Variants in SYNE1 observed in about 807,000 individuals in gnomAD.
The protein encoded by SYNE1 is nesprin-1.
In SYNE1, 616 loss-of-function variants were observed where a neutral mutation model predicts 1,111.0. The observed-to-expected ratio is 0.55, with a 90% confidence interval of 0.52 to 0.59. SYNE1 has a LOEUF of 0.59. Among genes scored for constraint, SYNE1 ranks in the 20% least tolerant of loss-of-function variants. The probability of loss-of-function intolerance (pLI) is 0.00; values close to 1 mark genes in which losing one functional copy is unlikely to be tolerated. For synonymous variants in SYNE1, 3,855 were observed against 3,825.8 expected, an observed-to-expected ratio of 1.01 and a Z score of -0.28; for missense variants, 10,006 against 10,417.0, an observed-to-expected ratio of 0.96 and a Z score of 1.72.
At chr6:152,260,564 A>C (rs989871664) in intron 101 of SYNE1, among the ~76,000 whole-genome samples, 1 of 152,100 alleles carries the variant, frequency 6.6e-6, no homozygotes, top group African/African-American at 2.4e-5. Flanking sequence ...AAAATTCACA[A>C]AAGCATGTGC....
In SYNE1 at chr6:152,428,253, G is replaced by A. The variant is rs753598584; in HGVS notation, c.4928C>T (p.Ala1643Val). Residue 1643 changes from alanine (A) to valine (V), a missense_variant, in exon 37 of 146, where the codon GCG becomes GTG. Around this residue, in one of 7 missense-constraint regions of SYNE1, gnomAD observed 1,971 missense variants for 2,084.1 expected, o/e 0.95. Coordinates refer to ENST00000367255, the MANE Select transcript of SYNE1 (RefSeq NM_182961.4). ...QQQYEDILRR[A>V]KERQTALENL... ...CTCCAGCGCCGTCTGTCTCTCCTTC[G>A]CCCTCCTTAGGATGTCCTCGTATTG... 6.8e-6 allele frequency: 11 copies of A among 1,613,946 alleles called. No individual in the cohort carries two copies. Among genetic ancestry groups the A allele is most frequent in the Middle Eastern group, 1.6e-4 (1 of 6,062 alleles).
chr6:152,353,826 G>C (rs968109581), intron 67 of SYNE1, 82 bp from the exon 68 acceptor site: 26 of 1,560,410 alleles, frequency 1.7e-5, no homozygotes, highest in Non-Finnish European at 2.1e-5. Context: ...ATAGGAAATG[G>C]TTTCAGTGTA....
intron 44 of SYNE1, among the ~76,000 whole-genome samples, chr6:152,407,520 G>A (rs2097918298): frequency 6.6e-6 from 1 of 152,110 alleles, no homozygotes; most frequent in Non-Finnish European, 1.5e-5. Flanking sequence ...GGTCCATCAA[G>A]AACAGTGTTG....
In SYNE1 at chr6:152,418,991, T is replaced by TA. The variant is rs766438131; in HGVS notation, c.5421+577dup. Among the ~76,000 whole-genome samples, 3 of 152,330 alleles carry TA rather than the reference T, an allele frequency of 2.0e-5. No homozygotes were observed. The East Asian group carries it at 5.8e-4, about 29-fold the overall frequency. ...AAAACTTTAGTCATCTGGTTATTCT[T>TA]AGAGTCTCATATTTTGTGGGACTCC... On this transcript the variant is annotated intron_variant, in intron 40 of 145. Transcript: ENST00000367255.
chr6:152,316,048 A>G (rs1437304009), intron 87 of SYNE1: 1 of 152,272 alleles, frequency 6.6e-6, no homozygotes, highest in Non-Finnish European at 1.5e-5. Flanking sequence ...TTATTATATG[A>G]TAACTAGCCT....
At chr6:152,595,718 T>C (rs1246597830) in intron 3 of SYNE1, among the ~76,000 whole-genome samples, 2 of 152,154 alleles carry the variant, frequency 1.3e-5, no homozygotes, top group South Asian at 2.1e-4. Context: ...GCTCTACATC[T>C]GCCCCTAGTG....
chr6:152,207,844 G>T, intron 125 of SYNE1, 128 bp downstream of exon 125: 2 of 881,052 alleles, frequency 2.3e-6, no homozygotes, highest in South Asian at 1.4e-5. Context: ...TATTTCTGTT[G>T]ACATTTGAGA....
intron 75 of SYNE1, among the ~76,000 whole-genome samples, chr6:152,337,639 T>C (rs1261496651): frequency 1.3e-5 from 2 of 152,158 alleles, no homozygotes; most frequent in Non-Finnish European, 2.9e-5. Context: ...GCTCTGATGG[T>C]TTTTCCCATT....
intron 3 of SYNE1, among the ~76,000 whole-genome samples, chr6:152,543,198 T>C (rs2099280260): frequency 6.6e-6 from 1 of 152,150 alleles, no homozygotes; most frequent in Non-Finnish European, 1.5e-5. Flanking sequence ...TCAAATTATC[T>C]TTTTTGTAGC....
chr6:152,281,109 T>C (rs1391231444), intron 97 of SYNE1, among the ~76,000 whole-genome samples: 1 of 152,202 alleles, frequency 6.6e-6, no homozygotes, highest in Non-Finnish European at 1.5e-5. Context: ...TGAAAAAGCT[T>C]TTAAGGTATA....
chr6:152,234,807 A>C lies in SYNE1; in HGVS notation c.20397-7T>G. On this transcript the variant is annotated splice_polypyrimidine_tract_variant and splice_region_variant and intron_variant, in intron 110 of 145. Coordinates refer to ENST00000367255, the MANE Select transcript of SYNE1 (RefSeq NM_182961.4). ...TGCAGATTCACTTTGATATCTGTTA[A>C]GTATATTATGGAGTCCATTAAGTAA... is the stretch of plus-strand genomic sequence containing the variant. The C allele has an allele frequency of 3.7e-6, 6 of 1,614,122 alleles. No homozygotes were observed. Among genetic ancestry groups the C allele is most frequent in the Non-Finnish European group, 5.1e-6 (6 of 1,179,986 alleles).
Position 152,323,754 on chromosome 6 carries a change from A to C in SYNE1, c.15658-17T>G, listed in dbSNP as rs768103072. 5.0e-6 allele frequency: 8 copies of C among 1,613,978 alleles called. No homozygotes were observed. The highest frequency in any genetic ancestry group is 3.3e-4 in the Middle Eastern group (2 of 6,062). ...CTTTTTAACCTGATGACAAATGTACATACTATGAAGTTCAATAATAAATAA... is the reference window on the plus strand; with the variant it reads ...CTTTTTAACCTGATGACAAATGTACCTACTATGAAGTTCAATAATAAATAA... On this transcript the variant is annotated splice_polypyrimidine_tract_variant and intron_variant, in intron 81 of 145. Transcript: ENST00000367255.
chr6:152,523,054 T>G (rs1054138170), intron 5 of SYNE1, among the ~76,000 whole-genome samples: 1 of 152,158 alleles, frequency 6.6e-6, no homozygotes, highest in Non-Finnish European at 1.5e-5. Context: ...CTTTTTAGTT[T>G]AATTAGGTCC....
At chr6:152,622,642 C>T (rs1273310888) in intron 3 of SYNE1, among the ~76,000 whole-genome samples, 2 of 151,990 alleles carry the variant, frequency 1.3e-5, no homozygotes, top group Non-Finnish European at 2.9e-5. Context: ...ATATATGTAC[C>T]ACATTTTTTT....
At chr6:152,142,767 A>G (rs2813484) in intron 138 of SYNE1, among the ~76,000 whole-genome samples, 54,742 of 152,084 alleles carry the variant, frequency 0.36, 10,881 homozygotes, top group African/African-American at 0.52. Flanking sequence ...AAACAAACTC[A>G]TAATTGACCG....
At chr6:152,379,000 C>T (rs539128665) in intron 56 of SYNE1, among the ~76,000 whole-genome samples, 1 of 152,158 alleles carries the variant, frequency 6.6e-6, no homozygotes, top group Non-Finnish European at 1.5e-5. Context: ...ATTCCAAACA[C>T]TAAACTAGGA....
chr6:152,563,648 A>G (rs2128241274), intron 3 of SYNE1, among the ~76,000 whole-genome samples: 1 of 152,308 alleles, frequency 6.6e-6, no homozygotes, highest in South Asian at 2.1e-4. Context: ...ATAACTTCTA[A>G]GGGATTTTTG....
At chr6:152,481,256 G>C in intron 14 of SYNE1, 1 of 199,476 alleles carries the variant, frequency 5.0e-6, no homozygotes, top group Non-Finnish European at 1.0e-5. Context: ...TAGATTGGAG[G>C]CACCACAAAC....
intron 58 of SYNE1, 95 bp downstream of exon 58, chr6:152,376,286 C>T: frequency 7.2e-7 from 1 of 1,388,722 alleles, no homozygotes; most frequent in Admixed American, 1.7e-5. Flanking sequence ...GGGACCTGTA[C>T]CAGTCCGCGG....
Sources: gnomAD v4.1 joint callset for allele counts (sites outside exome capture counted in the v4.1 genomes callset) on GRCh38, gnomAD v4.1.1 for gene constraint, gnomAD v4.1.1 regional missense constraint, MANE v1.5 for transcripts, NCBI Gene and HGNC (gene_info 2026-07-23, HGNC 2026-07-21) for gene names.